KCNMB2: variants seen among roughly 807,000 people sequenced by gnomAD.
The protein encoded by KCNMB2 is calcium-activated potassium channel subunit beta-2.
In KCNMB2, 9 loss-of-function variants were observed where a neutral mutation model predicts 24.5. That is an observed-to-expected ratio of 0.37 (90% CI 0.22 to 0.64). The LOEUF is 0.64. Ranked by LOEUF, KCNMB2 falls within the 30% of genes least tolerant of loss-of-function variation. KCNMB2 has a pLI of 0.63. For missense variants in KCNMB2, 226 were observed against 284.3 expected (o/e 0.79, Z 1.47); for synonymous variants, 109 against 104.4 (o/e 1.04, Z -0.27).
chr3:178,602,027 C>T (rs1718098931), intron 1 of KCNMB2, among the ~76,000 whole-genome samples: 1 of 152,136 alleles, frequency 6.6e-6, no homozygotes, highest in Non-Finnish European at 1.5e-5. Context: ...GATTTTTCCT[C>T]AACAGGTTTA....
chr3:178,725,946 A>T (rs1316128937), intron 1 of KCNMB2, among the ~76,000 whole-genome samples: 1 of 151,812 alleles, frequency 6.6e-6, no homozygotes, highest in Non-Finnish European at 1.5e-5. Flanking sequence ...TTTTAATATA[A>T]TTATTATGAA....
intron 2 of KCNMB2, among the ~76,000 whole-genome samples, chr3:178,823,169 A>G (rs1296244757): frequency 6.6e-6 from 1 of 152,222 alleles, no homozygotes; most frequent in Admixed American, 6.5e-5. Flanking sequence ...AAAAGCTTTG[A>G]TGTAAATCCT....
intron 1 of KCNMB2, among the ~76,000 whole-genome samples, chr3:178,754,152 A>C (rs58128985): frequency 5.8e-5 from 4 of 68,584 alleles, no homozygotes; most frequent in South Asian, 8.0e-4. Flanking sequence ...ATTCCATTGT[A>C]TATATATATA....
intron 1 of KCNMB2, among the ~76,000 whole-genome samples, chr3:178,782,700 C>CA (rs1324344054): frequency 1.3e-5 from 2 of 150,942 alleles, no homozygotes; most frequent in African/African-American, 2.4e-5. Flanking sequence ...AGCCCTTTGT[C>CA]AGATGAGTAG....
chr3:178,660,471 C>T (rs1025016724), intron 1 of KCNMB2, among the ~76,000 whole-genome samples: 2 of 152,230 alleles, frequency 1.3e-5, no homozygotes, highest in East Asian at 3.9e-4. Context: ...CCACCTGGAA[C>T]CAGGAAACAA....
At chr3:178,705,583 G>A (rs997053694) in intron 1 of KCNMB2, among the ~76,000 whole-genome samples, 7 of 152,104 alleles carry the variant, frequency 4.6e-5, no homozygotes, top group African/African-American at 1.7e-4. Context: ...AGGAAAGAAT[G>A]CTTAAAAATA....
chr3:178,805,333 T>G (rs1713923547), intron 1 of KCNMB2, among the ~76,000 whole-genome samples: 1 of 152,196 alleles, frequency 6.6e-6, no homozygotes, highest in Admixed American at 6.5e-5. Flanking sequence ...TTCAGTTTAT[T>G]GAATCACAAA....
At chr3:178,818,189 C>A (rs1335252152) in intron 2 of KCNMB2, among the ~76,000 whole-genome samples, 1 of 152,190 alleles carries the variant, frequency 6.6e-6, no homozygotes, top group Non-Finnish European at 1.5e-5. Context: ...TCTCTGACTA[C>A]TTAAAGAGTC....
intron 1 of KCNMB2, among the ~76,000 whole-genome samples, chr3:178,764,922 A>G (rs1712053392): frequency 6.6e-6 from 1 of 152,230 alleles, no homozygotes; most frequent in Non-Finnish European, 1.5e-5. Flanking sequence ...ATGAACTAAT[A>G]CAAGTAAAGT....
At chr3:178,818,855 C>T (rs1714508226) in intron 2 of KCNMB2, among the ~76,000 whole-genome samples, 1 of 152,182 alleles carries the variant, frequency 6.6e-6, no homozygotes, top group Admixed American at 6.5e-5. Flanking sequence ...TCACTGTCTG[C>T]CATTCCCTGC....
intron 1 of KCNMB2, among the ~76,000 whole-genome samples, chr3:178,614,258 TATATATATATATATATATATA>T (rs1375613929): frequency 3.3e-5 from 1 of 30,638 alleles, no homozygotes; most frequent in Non-Finnish European, 6.7e-5. Context: ...TATATATATA[TATATATATATATATATATATA>T]TATATATATA....
At chr3:178,604,187 A>G (rs1718194835) in intron 1 of KCNMB2, among the ~76,000 whole-genome samples, 2 of 152,168 alleles carry the variant, frequency 1.3e-5, no homozygotes, top group Admixed American at 6.6e-5. Flanking sequence ...CTTGCTAAAT[A>G]AGCACTGTTT....
At chr3:178,648,045 T>G (rs1719980672) in intron 1 of KCNMB2, among the ~76,000 whole-genome samples, 1 of 152,138 alleles carries the variant, frequency 6.6e-6, no homozygotes, top group East Asian at 1.9e-4. Flanking sequence ...ATCACATTTC[T>G]TAGCTCATGA....
chr3:178,638,020 C>A (rs1719590888), intron 1 of KCNMB2, among the ~76,000 whole-genome samples: 1 of 152,118 alleles, frequency 6.6e-6, no homozygotes, highest in Non-Finnish European at 1.5e-5. Context: ...CTAAACAGGG[C>A]TCAATCCTGC....
chr3:178,571,267 TTTG>T (rs1420508101), intron 1 of KCNMB2, among the ~76,000 whole-genome samples: 9 of 151,600 alleles, frequency 5.9e-5, no homozygotes, highest in African/African-American at 2.2e-4. Context: ...ACAAAAGTGT[TTTG>T]TTGTTGTTGT....
intron 1 of KCNMB2, among the ~76,000 whole-genome samples, chr3:178,678,149 C>T (rs1459585634): frequency 6.6e-6 from 1 of 152,130 alleles, no homozygotes; most frequent in Non-Finnish European, 1.5e-5. Context: ...GTGAGCTAGT[C>T]AGTGTCAGGG....
intron 1 of KCNMB2, among the ~76,000 whole-genome samples, chr3:178,706,947 A>G (rs948618924): frequency 6.6e-6 from 1 of 152,192 alleles, no homozygotes; most frequent in Non-Finnish European, 1.5e-5. Flanking sequence ...ACCATGGCAC[A>G]TGTATACCTA....
At chr3:178,614,293 A>ATATGTATGTATG (rs1206572047) in intron 1 of KCNMB2, among the ~76,000 whole-genome samples, 2 of 85,962 alleles carry the variant, frequency 2.3e-5, no homozygotes, top group African/African-American at 8.7e-5. Flanking sequence ...ATATATATAT[A>ATATGTATGTATG]TATGTATGTA....
Position 178,802,973 on chromosome 3 carries a change from T to G in KCNMB2, c.-67-4370T>G, listed in dbSNP as rs191113985. On this transcript the variant is annotated intron_variant, in intron 1 of 4. Coordinates refer to ENST00000452583, the MANE Select transcript of KCNMB2 (RefSeq NM_181361.3). ...AATTCAATCCATTTGTTTTTAAGTT[T>G]AATAACGGGGTGAAAAAAGAGTAAA... is the stretch of plus-strand genomic sequence containing the variant. Among the ~76,000 whole-genome samples, 3 of 152,336 alleles carry G rather than the reference T, an allele frequency of 2.0e-5. No individual in the cohort carries two copies. In the East Asian group the frequency reaches 5.8e-4, roughly 29 times the overall value.
Sources: allele counts gnomAD v4.1 joint callset (sites outside exome capture counted in the v4.1 genomes callset), GRCh38; gene constraint gnomAD v4.1.1; transcripts MANE v1.5; gene names NCBI Gene and HGNC (gene_info 2026-07-23, HGNC 2026-07-21).